Variants in ARHGEF28 observed in about 807,000 individuals in gnomAD.
ARHGEF28 encodes Rho guanine nucleotide exchange factor 28.
ARHGEF28 carries 152 observed loss-of-function variants against 206.6 expected under a neutral mutation model. The observed-to-expected ratio is 0.74, with a 90% CI of 0.64 to 0.84. ARHGEF28 has a LOEUF of 0.84. ARHGEF28 is among the 40% of genes least tolerant of loss of function. ARHGEF28 has a pLI of 0.00. For synonymous variants in ARHGEF28, 763 were observed against 776.4 expected (o/e 0.98, Z 0.29); for missense variants, 2,028 against 2,073.2 (o/e 0.98, Z 0.42).
At chr5:73,831,214 A>G (rs1359891128) in intron 9 of ARHGEF28, among the ~76,000 whole-genome samples, 1 of 152,214 alleles carries the variant, frequency 6.6e-6, no homozygotes, top group African/African-American at 2.4e-5. Context: ...CTTAATCCTC[A>G]TAACCACACT....
intron 3 of ARHGEF28, among the ~76,000 whole-genome samples, chr5:73,752,356 A>AAC (rs371180892): frequency 9.2e-5 from 14 of 151,776 alleles, no homozygotes; most frequent in South Asian, 4.2e-4. Flanking sequence ...AGTGAGCAAC[A>AAC]ACACACACAC....
chr5:73,673,208 T>G (rs993802856), intron 1 of ARHGEF28, among the ~76,000 whole-genome samples: 8 of 152,230 alleles, frequency 5.3e-5, no homozygotes, highest in African/African-American at 1.7e-4. Context: ...TACTTAGACT[T>G]GGCCTTATCT....
At chr5:73,670,984 A>T (rs1746267804) in intron 1 of ARHGEF28, among the ~76,000 whole-genome samples, 1 of 151,818 alleles carries the variant, frequency 6.6e-6, no homozygotes, top group Admixed American at 6.5e-5. Flanking sequence ...TAAAAGAAGC[A>T]TTCTTAGCCT....
chr5:73,868,249 A>G, intron 20 of ARHGEF28, 22 bp downstream of exon 20: 1 of 1,543,468 alleles, frequency 6.5e-7, no homozygotes, highest in Non-Finnish European at 8.8e-7. Context: ...ACACACTTCC[A>G]TTTATTTGTG....
intron 9 of ARHGEF28, among the ~76,000 whole-genome samples, chr5:73,829,961 C>T (rs1231443881): frequency 6.6e-6 from 1 of 152,076 alleles, no homozygotes; most frequent in Non-Finnish European, 1.5e-5. Context: ...ACAATCTCTT[C>T]TTTGAAATTC....
At chr5:73,874,696 G>A (rs1180454233) in intron 22 of ARHGEF28, among the ~76,000 whole-genome samples, 6 of 149,938 alleles carry the variant, frequency 4.0e-5, no homozygotes, top group Non-Finnish European at 1.5e-5. Context: ...GCGATAGTTT[G>A]CTGAGAATGA....
At chr5:73,736,459 G>A (rs1750941227) in intron 2 of ARHGEF28, among the ~76,000 whole-genome samples, 2 of 152,042 alleles carry the variant, frequency 1.3e-5, no homozygotes. Context: ...GAGGATGATG[G>A]TTTCTACCTT....
intron 1 of ARHGEF28, among the ~76,000 whole-genome samples, chr5:73,656,156 G>C (rs1745184333): frequency 6.6e-6 from 1 of 152,160 alleles, no homozygotes; most frequent in Non-Finnish European, 1.5e-5. Flanking sequence ...ACATCCTTAA[G>C]GGCGAGAATG....
rs555679188 is a variant in ARHGEF28 at position 73,801,339 on chromosome 5, T to A, written c.1024+5948T>A. On this transcript the variant is annotated intron_variant, in intron 9 of 35. Transcript: ENST00000513042. ...GTAGGCGCCTGTAATCCCAGCTACT[T>A]GGGAGGCTGAGGCAGGAGAATGGCG... Among the ~76,000 whole-genome samples the A allele has an allele frequency of 1.0e-3, 157 of 151,658 alleles. 1 individual carries two copies. The highest frequency in any genetic ancestry group is 1.9e-3 in the Admixed American group (29 of 15,234).
chr5:73,657,826 G>T (rs200613226), intron 1 of ARHGEF28, among the ~76,000 whole-genome samples: 1 of 152,100 alleles, frequency 6.6e-6, no homozygotes, highest in Non-Finnish European at 1.5e-5. Flanking sequence ...GGCCCTTTGG[G>T]GGTACTGCCT....
intron 2 of ARHGEF28, among the ~76,000 whole-genome samples, chr5:73,722,658 A>G (rs867734252): frequency 6.6e-6 from 1 of 152,132 alleles, no homozygotes; most frequent in Non-Finnish European, 1.5e-5. Flanking sequence ...TCAAAGTACG[A>G]CTCCTATGAG....
At chr5:73,742,813 A>C (rs921067293) in intron 2 of ARHGEF28, among the ~76,000 whole-genome samples, 4 of 147,026 alleles carry the variant, frequency 2.7e-5, no homozygotes, top group Non-Finnish European at 6.0e-5. Flanking sequence ...CCTGGGCGAC[A>C]GAGCGAGACT....
At chr5:73,758,217 T>G (rs2112415859) in intron 4 of ARHGEF28, among the ~76,000 whole-genome samples, 1 of 152,260 alleles carries the variant, frequency 6.6e-6, no homozygotes, top group Non-Finnish European at 1.5e-5. Flanking sequence ...TCTCCTAACC[T>G]ATGGAGTAGG....
intron 9 of ARHGEF28, among the ~76,000 whole-genome samples, chr5:73,805,144 C>G (rs1755364621): frequency 6.6e-6 from 1 of 152,150 alleles, no homozygotes; most frequent in South Asian, 2.1e-4. Context: ...TAGCTGGGAA[C>G]TCTTTTAGTT....
rs187576376 is a variant in ARHGEF28 at position 73,759,561 on chromosome 5, C to T, written c.475+6359C>T. On this transcript the variant is annotated intron_variant, in intron 4 of 35. Transcript: ENST00000513042. Reference sequence around the variant, plus strand: ...AGAGGCCCGAAAGGACTTTAGAAGACGTTTATAAGAGTTAGGGTTATCTAG... The same window carrying T: ...AGAGGCCCGAAAGGACTTTAGAAGATGTTTATAAGAGTTAGGGTTATCTAG... Among the ~76,000 whole-genome samples the T allele has an allele frequency of 9.1e-4, 138 of 152,136 alleles. 1 individual carries two copies. The highest frequency in any genetic ancestry group is 1.4e-3 in the Non-Finnish European group (93 of 67,986).
At chr5:73,896,099 A>G (rs974219967) in intron 29 of ARHGEF28, among the ~76,000 whole-genome samples, 1 of 152,208 alleles carries the variant, frequency 6.6e-6, no homozygotes, top group African/African-American at 2.4e-5. Flanking sequence ...TTACGGAAAA[A>G]AGAGAACTTT....
intron 5 of ARHGEF28, among the ~76,000 whole-genome samples, chr5:73,775,584 T>C (rs1356195202): frequency 6.6e-6 from 1 of 152,232 alleles, no homozygotes; most frequent in Non-Finnish European, 1.5e-5. Context: ...AAATATACTA[T>C]ATTTTTGTAA....
chr5:73,636,896 C>T (rs1303759373), intron 1 of ARHGEF28, among the ~76,000 whole-genome samples: 1 of 152,210 alleles, frequency 6.6e-6, no homozygotes, highest in African/African-American at 2.4e-5. Flanking sequence ...CGCTTGGCTC[C>T]CAGAGTGCTT....
At chr5:73,645,092 C>A (rs1305060317) in intron 1 of ARHGEF28, among the ~76,000 whole-genome samples, 1 of 152,110 alleles carries the variant, frequency 6.6e-6, no homozygotes, top group Non-Finnish European at 1.5e-5. Context: ...CAGATTTGAT[C>A]GTTTTAAATA....
Sources: allele counts gnomAD v4.1 joint callset (sites outside exome capture counted in the v4.1 genomes callset), GRCh38; gene constraint gnomAD v4.1.1; transcripts MANE v1.5; gene names NCBI Gene and HGNC (gene_info 2026-07-23, HGNC 2026-07-21).